The following FSCN2 variants were observed in gnomAD, a reference collection of about 807,000 sequenced individuals.
FSCN2 encodes fascin-2.
Under a neutral mutation model 37.8 loss-of-function variants are expected in FSCN2, and 46 were observed. That is an observed-to-expected ratio of 1.22 (90% CI 0.96 to 1.56). The LOEUF (loss-of-function observed/expected upper bound fraction) is 1.56. Among genes scored for constraint, FSCN2 ranks in the 40% most tolerant of loss-of-function variants. FSCN2 has a pLI of 0.00. For synonymous variants in FSCN2, 351 were observed against 309.4 expected, an observed-to-expected ratio of 1.13 and a Z score of -1.41; for missense variants, 844 against 730.4, an observed-to-expected ratio of 1.16 and a Z score of -1.79.
chr17:81,535,391 C>A (rs2032820704), intron 2 of FSCN2, among the ~76,000 whole-genome samples, 183 bp downstream of exon 2: 1 of 141,724 alleles, frequency 7.1e-6, no homozygotes, highest in Non-Finnish European at 1.5e-5. Flanking sequence ...CCATCCCCAT[C>A]CCCATCATCA....
In FSCN2 at chr17:81,537,104, G is replaced by A. The variant is rs1350753078; in HGVS notation, c.*24G>A. ...GAGGCCGCGCCCAGACCAGCCTGTC[G>A]CGCATTAAAACCGTGTCTCTCCCGC... is the stretch of plus-strand genomic sequence containing the variant. On this transcript the variant is annotated 3_prime_UTR_variant, in exon 5 of 5. Coordinates refer to ENST00000417245, the MANE Select transcript of FSCN2 (RefSeq NM_012418.4). 6 of 1,396,312 alleles carry A rather than the reference G, an allele frequency of 4.3e-6. No individual in the cohort carries two copies. The highest frequency in any genetic ancestry group is 5.6e-6 in the Non-Finnish European group (6 of 1,080,684). The allele number at this position is 1,396,312 out of a possible 1,614,324, so 86.5% of individuals were successfully genotyped here. A position where few individuals can be genotyped will look rare whatever the true frequency, so the allele number is the denominator to read the frequency against.
At chr17:81,523,458 G>T (rs1431422915), upstream of FSCN2, among the ~76,000 whole-genome samples, 2 of 152,242 alleles carry the variant, frequency 1.3e-5, no homozygotes, top group African/African-American at 4.8e-5. Flanking sequence ...AGGTCGCCAG[G>T]CTGCAGGTCT....
chr17:81,530,314 C>T lies in FSCN2; in HGVS notation c.826+957C>T, dbSNP rs868910327. 3.3e-5 allele frequency among the ~76,000 whole-genome samples: 5 copies of T among 152,260 alleles called. No homozygotes were observed. The South Asian group carries it at 1.0e-3, about 31-fold the overall frequency. On this transcript the variant is annotated intron_variant, in intron 1 of 4. Transcript: ENST00000417245. ...GGCCTGGGCTCCTGGTGGGGAGGCA[C>T]CTCCCTGCCCCAGTGGGGCGTGGCC...
intron 1 of FSCN2, among the ~76,000 whole-genome samples, chr17:81,531,495 A>ATGG (rs1300659276): frequency 1.1e-5 from 1 of 92,454 alleles, no homozygotes; most frequent in Non-Finnish European, 2.2e-5. Flanking sequence ...GATGATGGTG[A>ATGG]TGGTGATGGT....
chr17:81,533,813 G>A lies in FSCN2; in HGVS notation c.827-1239G>A, dbSNP rs961421041. On this transcript the variant is annotated intron_variant, in intron 1 of 4. Coordinates refer to ENST00000417245, the MANE Select transcript of FSCN2 (RefSeq NM_012418.4). The stretch of plus-strand genomic sequence containing the variant: ...CCCCAGACAGCATCCTGTCTGAAGG[G>A]GGTGTGGGGCAACTCTGGGGACACC... 7.2e-5 allele frequency among the ~76,000 whole-genome samples: 11 copies of A among 152,312 alleles called. 1 individual carries two copies. The highest frequency in any genetic ancestry group is 7.2e-4 in the Admixed American group (11 of 15,290).
the FSCN2 span, among the ~76,000 whole-genome samples, chr17:81,523,197 C>T: frequency 7.2e-5 from 11 of 152,202 alleles, no homozygotes; most frequent in African/African-American, 2.4e-4. Flanking sequence ...AACTGCAGTT[C>T]GGGAAGCTGC....
chr17:81,535,043 T>C lies in FSCN2; in HGVS notation c.827-9T>C. ...AGGCGTGAGGGGCTTCCCCATCTCC[T>C]CCCTCCAGGGGTCAACGTCTCAGCC... On this transcript the variant is annotated splice_polypyrimidine_tract_variant and intron_variant, in intron 1 of 4. Coordinates refer to ENST00000417245, the MANE Select transcript of FSCN2 (RefSeq NM_012418.4). 1.3e-6 allele frequency: 2 copies of C among 1,513,024 alleles called. No homozygotes were observed. Among genetic ancestry groups the C allele is most frequent in the Non-Finnish European group, 1.8e-6 (2 of 1,134,470 alleles). The allele number at this position is 1,513,024 out of a possible 1,614,324, so 93.7% of individuals were successfully genotyped here. A position where few individuals can be genotyped will look rare whatever the true frequency, so the allele number is the denominator to read the frequency against.
chr17:81,522,285 C>T, the FSCN2 span, among the ~76,000 whole-genome samples: 8 of 152,172 alleles, frequency 5.3e-5, no homozygotes, highest in Non-Finnish European at 8.8e-5. Flanking sequence ...AATTACAGCC[C>T]GGCCAAACTA....
At chr17:81,536,459 C>T (rs559002158) in intron 3 of FSCN2, 163 bp from the exon 4 acceptor site, 35 of 1,497,032 alleles carry the variant, frequency 2.3e-5, no homozygotes, top group South Asian at 1.1e-4. Flanking sequence ...TCCTTATCTC[C>T]GCTGCTGGGA....
At chr17:81,526,518 C>T (rs1421706707), upstream of FSCN2, among the ~76,000 whole-genome samples, 1 of 152,218 alleles carries the variant, frequency 6.6e-6, no homozygotes, top group Non-Finnish European at 1.5e-5. Context: ...GTAATCCCAG[C>T]TACTTGGGAG....
rs2032914357 is a variant in FSCN2, at chr17:81,537,091, A to C, written c.*11A>C. On this transcript the variant is annotated 3_prime_UTR_variant, in exon 5 of 5. Coordinates refer to ENST00000417245, the MANE Select transcript of FSCN2 (RefSeq NM_012418.4). ...CTTTGGGAGTACTGAGGCCGCGCCC[A>C]GACCAGCCTGTCGCGCATTAAAACC... 1 of 1,416,228 alleles carries C rather than the reference A, an allele frequency of 7.1e-7. No individual in the cohort carries two copies. The highest frequency in any genetic ancestry group is 9.2e-7 in the Non-Finnish European group (1 of 1,091,658). The allele number at this position is 1,416,228 out of a possible 1,614,324, so 87.7% of individuals were successfully genotyped here.
the FSCN2 span, chr17:81,519,118 T>A: frequency 6.6e-6 from 1 of 152,208 alleles, no homozygotes; most frequent in Non-Finnish European, 1.5e-5. Context: ...CCCCGGGATG[T>A]TTCTCAGGCA....
At chr17:81,522,458 A>G in the FSCN2 span, among the ~76,000 whole-genome samples, 1 of 152,234 alleles carries the variant, frequency 6.6e-6, no homozygotes, top group Non-Finnish European at 1.5e-5. Flanking sequence ...GACCATGTGC[A>G]GAGCCCTTCT....
chr17:81,521,908 C>G, the FSCN2 span, among the ~76,000 whole-genome samples: 3 of 152,214 alleles, frequency 2.0e-5, no homozygotes, highest in East Asian at 3.8e-4. Context: ...TGGCGTGGAT[C>G]ATACAACTTC....
the FSCN2 span, among the ~76,000 whole-genome samples, chr17:81,517,806 G>GGCCTGAAGTT: frequency 6.7e-6 from 1 of 149,118 alleles, no homozygotes; most frequent in Non-Finnish European, 1.5e-5. Flanking sequence ...GAGGCAGCGA[G>GGCCTGAAGTT]GCCTGAAGTT....
intron 1 of FSCN2, among the ~76,000 whole-genome samples, chr17:81,532,312 C>CGATGATGG (rs2032695182): frequency 6.3e-5 from 1 of 15,762 alleles, no homozygotes; most frequent in Non-Finnish European, 1.2e-4. Flanking sequence ...ATAGTGATGG[C>CGATGATGG]GATGATGGTG....
In FSCN2 at chr17:81,536,726, A is replaced by G; in HGVS notation, c.1210A>G (p.Thr404Ala). Residue 404 changes from threonine to alanine, a missense_variant, in exon 4 of 5, where the codon ACC becomes GCC. By Grantham distance (58) the Thr-to-Ala change is moderately conservative. Coordinates refer to ENST00000417245, the MANE Select transcript of FSCN2 (RefSeq NM_012418.4). ...CCACCGCGGCTCCAACCAGCTGGAC[A>G]CCAACCGCTCCGTCTACGACGTCTT... is the stretch of plus-strand genomic sequence containing the variant. ...CHHRGSNQLD[T>A]NRSVYDVFHL... 1 of 1,611,128 alleles carries G rather than the reference A, an allele frequency of 6.2e-7. No homozygotes were observed. The highest frequency in any genetic ancestry group is 1.3e-5 in the African/African-American group (1 of 75,000).
rs2032892655 is a variant in FSCN2, at chr17:81,536,738, G to A, written c.1222G>A (p.Val408Ile). ...CAACCAGCTGGACACCAACCGCTCC[G>A]TCTACGACGTCTTCCACCTGAGCTT... ...GSNQLDTNRS[V>I]YDVFHLSFSD... Residue 408 changes from valine to isoleucine, a missense_variant, in exon 4 of 5, where the codon GTC becomes ATC. Val to Ile is a conservative substitution (Grantham distance 29, BLOSUM62 3). Transcript: ENST00000417245. 2 of 1,610,656 alleles carry A rather than the reference G, an allele frequency of 1.2e-6. No homozygotes were observed. The highest frequency in any genetic ancestry group is 1.7e-5 in the Admixed American group (1 of 59,826).
intron 1 of FSCN2, among the ~76,000 whole-genome samples, chr17:81,531,906 A>T (rs1294162155): frequency 7.5e-6 from 1 of 133,732 alleles, no homozygotes; most frequent in East Asian, 2.4e-4. Context: ...GGTGATAGTG[A>T]TGGTGATGAT....
Sources: gnomAD v4.1 joint callset for allele counts (sites outside exome capture counted in the v4.1 genomes callset) on GRCh38, gnomAD v4.1.1 for gene constraint, MANE v1.5 for transcripts, NCBI Gene and HGNC (gene_info 2026-07-23, HGNC 2026-07-21) for gene names.